The following MGAT4C variants were observed in gnomAD, a reference collection of about 807,000 sequenced individuals.
The protein encoded by MGAT4C is MGAT4 family member C, also known as alpha-1,3-mannosyl-glycoprotein 4-beta-N-acetylglucosaminyltransferase C.
In MGAT4C, 19 loss-of-function variants were observed where a neutral mutation model predicts 40.1. The observed-to-expected ratio is 0.47, with a 90% CI of 0.33 to 0.70. MGAT4C has a LOEUF of 0.70. Among genes scored for constraint, MGAT4C ranks in the 30% least tolerant of loss-of-function variants. The pLI is 0.02. For missense variants in MGAT4C, 491 were observed against 563.2 expected, an observed-to-expected ratio of 0.87 and a Z score of 1.30; for synonymous variants, 181 against 187.1, an observed-to-expected ratio of 0.97 and a Z score of 0.27.
At chr12:86,834,612 C>CCACCACACACACACACACACA in intron 1 of MGAT4C, among the ~76,000 whole-genome samples, 1 of 148,196 alleles carries the variant, frequency 6.7e-6, no homozygotes, top group East Asian at 2.0e-4. Flanking sequence ...CCCCCAACCA[C>CCACCACACACACACACACACA]CACACACACA....
At chr12:86,367,599 A>G (rs147647404) in intron 3 of MGAT4C, among the ~76,000 whole-genome samples, 1 of 152,160 alleles carries the variant, frequency 6.6e-6, no homozygotes, top group Admixed American at 6.5e-5. Flanking sequence ...GGAGATGGAG[A>G]CCATCCTCAC....
intron 1 of MGAT4C, among the ~76,000 whole-genome samples, chr12:86,150,194 C>T (rs770546061): frequency 1.1e-4 from 16 of 152,134 alleles, no homozygotes; most frequent in African/African-American, 2.4e-5. Context: ...CTAACGCCCC[C>T]GCTGATCTTA....
At chr12:86,723,406 G>A (rs891772794) in intron 2 of MGAT4C, among the ~76,000 whole-genome samples, 1 of 152,182 alleles carries the variant, frequency 6.6e-6, no homozygotes, top group East Asian at 1.9e-4. Context: ...GAGGCCAGAA[G>A]TTTGAAATCA....
In MGAT4C at chr12:86,191,756, G is replaced by GTGTGTGTGTA. The variant is rs1272857031; in HGVS notation, c.-57+64482_-57+64483insTACACACACA. 2.1e-5 allele frequency among the ~76,000 whole-genome samples: 3 copies of GTGTGTGTGTA among 140,682 alleles called. No individual in the cohort carries two copies. In the East Asian group the frequency reaches 7.0e-4, roughly 33 times the overall value. 92.3% of individuals were successfully genotyped at this position (140,682 alleles called of 152,430 possible). ...AGTTTGCTACAGGAGATAAAGGTGTGTGTGTGTGTGTGTGTGTGTGTGTGT... is the reference window on the plus strand; with the variant it reads ...AGTTTGCTACAGGAGATAAAGGTGTGTGTGTGTGTATGTGTGTGTGTGTGTGTGTGTGTGT... On this transcript the variant is annotated intron_variant, in intron 1 of 4. Transcript: ENST00000611864.
At chr12:86,137,788 A>G (rs1182251274) in intron 1 of MGAT4C, among the ~76,000 whole-genome samples, 2 of 152,166 alleles carry the variant, frequency 1.3e-5, no homozygotes, top group Non-Finnish European at 2.9e-5. Flanking sequence ...AATTTTAAGG[A>G]CTGCATACAG....
At chr12:86,264,874 G>GT (rs1254774237) in intron 4 of MGAT4C, among the ~76,000 whole-genome samples, 9 of 152,214 alleles carry the variant, frequency 5.9e-5, no homozygotes, top group Non-Finnish European at 1.2e-4. Context: ...CACTCTTGGG[G>GT]CAGTGCTGAC....
chr12:86,119,940 T>A (rs904281645), intron 1 of MGAT4C, among the ~76,000 whole-genome samples: 12 of 151,884 alleles, frequency 7.9e-5, no homozygotes, highest in East Asian at 7.7e-4. Context: ...ATTTGAATAA[T>A]GTCACTATAG....
intron 2 of MGAT4C, among the ~76,000 whole-genome samples, chr12:86,512,469 T>A (rs557595695): frequency 6.6e-6 from 1 of 152,282 alleles, no homozygotes; most frequent in East Asian, 1.9e-4. Context: ...CATGCACTTC[T>A]ATTCTATCTA....
Position 86,663,204 on chromosome 12 carries a change from C to T in MGAT4C, c.-229+64005G>A, listed in dbSNP as rs542264091. Among the ~76,000 whole-genome samples the T allele has an allele frequency of 8.6e-5, 13 of 151,396 alleles. 1 individual carries two copies. Among genetic ancestry groups the T allele is most frequent in the South Asian group, 2.1e-4 (1 of 4,790 alleles). Reference sequence around the variant, plus strand: ...CAAAACTCTGTCTCTACAGAAAATACGAAAAATTAGTTGGACACAGTAGTG... The same window carrying T: ...CAAAACTCTGTCTCTACAGAAAATATGAAAAATTAGTTGGACACAGTAGTG... On this transcript the variant is annotated intron_variant, in intron 2 of 7. Coordinates refer to the MGAT4C transcript ENST00000548651.
chr12:86,288,984 T>C (rs1953430284), intron 4 of MGAT4C, among the ~76,000 whole-genome samples: 1 of 152,150 alleles, frequency 6.6e-6, no homozygotes, highest in Admixed American at 6.5e-5. Flanking sequence ...GAAATCTTTG[T>C]CAGGGCCTAT....
chr12:86,180,595 G>A (rs1888007044), intron 1 of MGAT4C, among the ~76,000 whole-genome samples: 1 of 152,176 alleles, frequency 6.6e-6, no homozygotes, highest in Non-Finnish European at 1.5e-5. Context: ...GCATGACCTG[G>A]ATGTGAGACC....
chr12:86,679,939 C>A (rs986855092), intron 2 of MGAT4C, among the ~76,000 whole-genome samples: 2 of 152,050 alleles, frequency 1.3e-5, no homozygotes, highest in African/African-American at 4.8e-5. Flanking sequence ...TGGTCTTTGG[C>A]AATTAATGTT....
intron 2 of MGAT4C, among the ~76,000 whole-genome samples, chr12:86,607,464 CTT>C (rs1565880511): frequency 6.6e-6 from 1 of 151,976 alleles, no homozygotes; most frequent in Non-Finnish European, 1.5e-5. Context: ...CCTTATGTCT[CTT>C]TGGTGTTTGT....
At chr12:86,267,394 G>A (rs1296856616) in intron 4 of MGAT4C, among the ~76,000 whole-genome samples, 2 of 152,000 alleles carry the variant, frequency 1.3e-5, no homozygotes, top group Non-Finnish European at 2.9e-5. Flanking sequence ...CCATCATGAA[G>A]ACACCTGAAA....
intron 1 of MGAT4C, among the ~76,000 whole-genome samples, chr12:86,771,879 T>C (rs1396740153): frequency 2.6e-5 from 4 of 152,080 alleles, no homozygotes; most frequent in African/African-American, 7.2e-5. Context: ...TTGTGGAAAA[T>C]AGAACTTTTA....
chr12:86,739,887 C>T (rs1951042195), intron 1 of MGAT4C, among the ~76,000 whole-genome samples: 1 of 150,836 alleles, frequency 6.6e-6, no homozygotes, highest in Non-Finnish European at 1.5e-5. Flanking sequence ...TATATACACA[C>T]ACACATAAGT....
intron 3 of MGAT4C, among the ~76,000 whole-genome samples, chr12:86,344,717 G>GGTGT (rs71076188): frequency 0.033 from 4,631 of 139,448 alleles, 114 homozygotes; most frequent in African/African-American, 0.066. Flanking sequence ...ATCTCTTCTC[G>GGTGT]GTGTGTGTGT....
chr12:86,217,842 A>C (rs952030994), intron 1 of MGAT4C, among the ~76,000 whole-genome samples: 1 of 152,190 alleles, frequency 6.6e-6, no homozygotes, highest in African/African-American at 2.4e-5. Context: ...TTGTTTCAAA[A>C]TAAAAAATAA....
chr12:86,585,129 T>A (rs1960960779), intron 2 of MGAT4C, among the ~76,000 whole-genome samples: 1 of 151,430 alleles, frequency 6.6e-6, no homozygotes, highest in Non-Finnish European at 1.5e-5. Context: ...ATTTGTACTG[T>A]ACCTATATTC....
Sources: gnomAD v4.1 joint callset for allele counts (sites outside exome capture counted in the v4.1 genomes callset) on GRCh38, gnomAD v4.1.1 for gene constraint, MANE v1.5 for transcripts, NCBI Gene and HGNC (gene_info 2026-07-23, HGNC 2026-07-21) for gene names.